ATXN8OS: variants seen among roughly 807,000 people sequenced by gnomAD.
ATXN8OS encodes the protein ATXN8 opposite strand (non-protein coding).
At chr13:70,147,564 T>C (rs185558223) in intron 4 of ATXN8OS, among the ~76,000 whole-genome samples, 1 of 152,304 alleles carries the variant, frequency 6.6e-6, no homozygotes, top group East Asian at 1.9e-4. Flanking sequence ...GAAGTATATA[T>C]GGTGCCCAAT....
At chr13:70,166,979 C>A (rs1450692801) in intron 4 of ATXN8OS, among the ~76,000 whole-genome samples, 1 of 151,590 alleles carries the variant, frequency 6.6e-6, no homozygotes, top group Non-Finnish European at 1.5e-5. Flanking sequence ...CCATCTCACA[C>A]CAGTTAGAAT....
At chr13:70,120,714 A>G (rs1241861206) in intron 2 of ATXN8OS, among the ~76,000 whole-genome samples, 5 of 152,170 alleles carry the variant, frequency 3.3e-5, no homozygotes, top group Admixed American at 3.3e-4. Flanking sequence ...AAATCTGCAC[A>G]TATACACCAT....
chr13:70,168,215 T>C (rs1482268758), intron 4 of ATXN8OS, among the ~76,000 whole-genome samples: 1 of 152,096 alleles, frequency 6.6e-6, no homozygotes, highest in South Asian at 2.1e-4. Context: ...TAAAAATAAA[T>C]GGACACATAA....
At chr13:70,166,516 A>G (rs1187133047) in intron 4 of ATXN8OS, among the ~76,000 whole-genome samples, 2 of 151,882 alleles carry the variant, frequency 1.3e-5, no homozygotes. Context: ...AAATTAATTC[A>G]AGATGGATTA....
intron 4 of ATXN8OS, among the ~76,000 whole-genome samples, chr13:70,152,373 A>G (rs1490979960): frequency 6.6e-6 from 1 of 151,906 alleles, no homozygotes; most frequent in Non-Finnish European, 1.5e-5. Context: ...ATATACATAT[A>G]TATGTATACA....
intron 4 of ATXN8OS, among the ~76,000 whole-genome samples, chr13:70,163,930 A>AT (rs568220703): frequency 1.3e-5 from 2 of 150,564 alleles, no homozygotes; most frequent in African/African-American, 4.9e-5. Context: ...TATATGACAG[A>AT]TTTTTTTCCC....
intron 3 of ATXN8OS, among the ~76,000 whole-genome samples, chr13:70,143,260 T>G (rs1055931792): frequency 6.6e-6 from 1 of 152,164 alleles, no homozygotes; most frequent in African/African-American, 2.4e-5. Flanking sequence ...AATCTAAATT[T>G]CCTCAAGTGA....
chr13:70,126,786 A>C (rs1476475461), intron 2 of ATXN8OS, among the ~76,000 whole-genome samples: 2 of 151,764 alleles, frequency 1.3e-5, no homozygotes, highest in East Asian at 1.9e-4. Flanking sequence ...ATTTCTATAC[A>C]TATCTAGATC....
At chr13:70,126,870 C>T (rs950970325) in intron 2 of ATXN8OS, among the ~76,000 whole-genome samples, 39 of 151,646 alleles carry the variant, frequency 2.6e-4, no homozygotes, top group African/African-American at 8.9e-4. Flanking sequence ...ACAGAGTTTA[C>T]ACATTTATAG....
exon 5 of ATXN8OS, among the ~76,000 whole-genome samples, chr13:70,169,862 T>C (rs1230695117): frequency 6.6e-6 from 1 of 152,042 alleles, no homozygotes; most frequent in African/African-American, 2.4e-5. Context: ...GGGACAAATA[T>C]GAAGAACCAT....
At chr13:70,119,669 C>A (rs1174616568) in intron 2 of ATXN8OS, among the ~76,000 whole-genome samples, 1 of 152,016 alleles carries the variant, frequency 6.6e-6, no homozygotes, top group African/African-American at 2.4e-5. Context: ...ACAGTTCTAA[C>A]ATCTGGAACT....
At position 70,113,011 on chromosome 13, in the gene ATXN8OS, C is replaced by T. The variant is rs575549412; in HGVS notation, n.241-2130C>T. ...GATTCCTGCTCACTGCAACCTTCACCTCCTGGATTCAAGTGATTCTCTTGC... is the reference window on the plus strand; with the variant it reads ...GATTCCTGCTCACTGCAACCTTCACTTCCTGGATTCAAGTGATTCTCTTGC... On this transcript the variant is annotated intron_variant and non_coding_transcript_variant, in intron 1 of 4. Transcript: ENST00000678624. 5.3e-5 allele frequency among the ~76,000 whole-genome samples: 8 copies of T among 150,178 alleles called. No individual in the cohort carries two copies. In the East Asian group the frequency reaches 9.8e-4, roughly 18 times the overall value.
chr13:70,150,155 C>T (rs574987927), intron 4 of ATXN8OS, among the ~76,000 whole-genome samples: 2 of 152,170 alleles, frequency 1.3e-5, no homozygotes, highest in South Asian at 4.1e-4. Context: ...CCATTCTTGC[C>T]AGCCTTCCTA....
chr13:70,114,853 T>C (rs950987218), intron 1 of ATXN8OS, among the ~76,000 whole-genome samples: 2 of 152,172 alleles, frequency 1.3e-5, no homozygotes, highest in African/African-American at 4.8e-5. Context: ...TTGTTTTAGA[T>C]ACTCCTCCAT....
chr13:70,126,623 G>T (rs1888441138), intron 2 of ATXN8OS, among the ~76,000 whole-genome samples: 1 of 144,676 alleles, frequency 6.9e-6, no homozygotes, highest in Non-Finnish European at 1.5e-5. Context: ...ATATATATAT[G>T]AAATCTTACA....
intron 3 of ATXN8OS, among the ~76,000 whole-genome samples, chr13:70,139,702 T>A (rs992492686): frequency 6.6e-6 from 1 of 152,130 alleles, no homozygotes; most frequent in African/African-American, 2.4e-5. Context: ...AGTTTGAGTG[T>A]AGGAAACAGT....
At chr13:70,135,052 C>A (rs1888593008) in intron 3 of ATXN8OS, among the ~76,000 whole-genome samples, 1 of 152,214 alleles carries the variant, frequency 6.6e-6, no homozygotes, top group Non-Finnish European at 1.5e-5. Context: ...AAGGACGAGA[C>A]TACCTAGCCC....
At chr13:70,111,356 A>G (rs1182605086) in intron 1 of ATXN8OS, among the ~76,000 whole-genome samples, 3 of 152,186 alleles carry the variant, frequency 2.0e-5, no homozygotes, top group Non-Finnish European at 2.9e-5. Context: ...GAGGCTGAGA[A>G]GTCTAAGTTC....
At chr13:70,115,028 G>A (rs931193841) in intron 1 of ATXN8OS, 22 of 73,768 alleles carry the variant, frequency 3.0e-4, no homozygotes, top group African/African-American at 9.2e-4. Flanking sequence ...TCTTTCTAAC[G>A]TGTGTGTGTG....
Sources: gnomAD v4.1 joint callset for allele counts (sites outside exome capture counted in the v4.1 genomes callset) on GRCh38, gnomAD v4.1.1 for gene constraint, MANE v1.5 for transcripts, NCBI Gene and HGNC (gene_info 2026-07-23, HGNC 2026-07-21) for gene names.